Variants in NDUFS1 observed in about 807,000 individuals in gnomAD.
The protein encoded by NDUFS1 is NADH-ubiquinone oxidoreductase 75 kDa subunit, mitochondrial.
In NDUFS1, 61 loss-of-function variants were observed where a neutral mutation model predicts 84.4. The observed-to-expected ratio is 0.72, with a 90% CI of 0.59 to 0.89. The LOEUF is 0.89. NDUFS1 is among the 40% of genes least tolerant of loss of function. The probability of loss-of-function intolerance (pLI) is 0.00; values close to 1 mark genes in which losing one functional copy is unlikely to be tolerated. For synonymous variants in NDUFS1, 275 were observed against 290.0 expected (o/e 0.95, Z 0.53); for missense variants, 891 against 890.0 (o/e 1.00, Z -0.01).
At chr2:206,128,740 C>T (rs946890509) in intron 15 of NDUFS1, among the ~76,000 whole-genome samples, 1 of 151,514 alleles carries the variant, frequency 6.6e-6, no homozygotes, top group African/African-American at 2.4e-5. Flanking sequence ...GAGATCACAC[C>T]ACTGCACTCC....
intron 12 of NDUFS1, among the ~76,000 whole-genome samples, chr2:206,140,922 G>GTATATATA (rs142969226): frequency 1.6e-5 from 2 of 127,976 alleles, no homozygotes; most frequent in Non-Finnish European, 1.6e-5. Flanking sequence ...TATGTAGTGT[G>GTATATATA]TATATATATA....
rs149137632 is a variant in NDUFS1, at chr2:206,158,851, G to A, written c.-5+490C>T. 3.8e-3 allele frequency among the ~76,000 whole-genome samples: 586 copies of A among 152,332 alleles called. 15 individuals carry two copies. Among genetic ancestry groups the A allele is most frequent in the East Asian group, 0.013 (70 of 5,192 alleles). ...TTAGTTAAAGGAATAAAAAAATGCT[G>A]TCCAACGTGGTCAATGGACCAAACA... On this transcript the variant is annotated intron_variant, in intron 1 of 18. Transcript: ENST00000233190.
In NDUFS1 at chr2:206,116,484, AC is replaced by A; in HGVS notation, c.*7700del. ...GCAGAGCACGGCCCGCACGCTCCGC[AC>A]CACTCGCAGCGCCATGTTCCCAGGG... On this transcript the variant is annotated 3_prime_UTR_variant, in exon 19 of 19. Transcript: ENST00000233190. 2 of 1,206,750 alleles carry A rather than the reference AC, an allele frequency of 1.7e-6. No homozygotes were observed. The highest frequency in any genetic ancestry group is 2.4e-6 in the Non-Finnish European group (2 of 849,072). 74.8% of individuals were successfully genotyped at this position (1,206,750 alleles called of 1,614,324 possible).
chr2:206,149,730 T>C, intron 4 of NDUFS1, 88 bp downstream of exon 4: 1 of 944,066 alleles, frequency 1.1e-6, no homozygotes, highest in East Asian at 2.4e-5. Context: ...GGTTCTCCAC[T>C]ACGATATTGA....
Position 206,159,381 on chromosome 2 carries a change from T to A in NDUFS1, c.-45A>T, listed in dbSNP as rs1388436471. 1.8e-6 allele frequency: 1 copy of A among 567,160 alleles called. No homozygotes were observed. The highest frequency in any genetic ancestry group is 3.1e-6 in the Non-Finnish European group (1 of 318,042). The allele number at this position is 567,160 out of a possible 1,614,324, so 35.1% of individuals were successfully genotyped here. ...GCGGAGGCTGTTCTGCTAAACTGTC[T>A]GGACCACGACGACCCCCTAGGAGGC... On this transcript the variant is annotated 5_prime_UTR_variant, in exon 1 of 19. Transcript: ENST00000233190.
intron 15 of NDUFS1, among the ~76,000 whole-genome samples, chr2:206,129,383 C>T (rs532727660): frequency 6.6e-6 from 1 of 152,186 alleles, no homozygotes; most frequent in East Asian, 1.9e-4. Context: ...CCACCTCAGC[C>T]TCCTAAGTAG....
At chr2:206,151,188 A>T (rs1692358477) in intron 3 of NDUFS1, among the ~76,000 whole-genome samples, 1 of 151,896 alleles carries the variant, frequency 6.6e-6, no homozygotes, top group Admixed American at 6.6e-5. Flanking sequence ...AGGCAACAAA[A>T]CTCCTGATGG....
intron 5 of NDUFS1, 129 bp from the exon 6 acceptor site, chr2:206,147,963 G>C: frequency 1.2e-6 from 1 of 843,686 alleles, no homozygotes. Context: ...TGTTGCTCAG[G>C]CTGCAGTGCA....
intron 14 of NDUFS1, among the ~76,000 whole-genome samples, chr2:206,131,950 T>C (rs1691528071): frequency 6.7e-6 from 1 of 149,256 alleles, no homozygotes; most frequent in Admixed American, 6.7e-5. Flanking sequence ...AAAATAATAA[T>C]AATAATAATA....
chr2:206,138,252 T>C (rs1004559270), intron 13 of NDUFS1, among the ~76,000 whole-genome samples: 2 of 152,030 alleles, frequency 1.3e-5, no homozygotes, highest in African/African-American at 4.8e-5. Context: ...TAACTTTGGT[T>C]TGTATTTTAG....
intron 17 of NDUFS1, 22 bp from the exon 18 acceptor site, chr2:206,126,633 A>G: frequency 6.2e-7 from 1 of 1,614,160 alleles, no homozygotes; most frequent in South Asian, 1.1e-5. Flanking sequence ...AGAAGAGATC[A>G]ACAATAATAT....
chr2:206,154,105 A>ATAGCTGTC (rs1687527431), intron 1 of NDUFS1, among the ~76,000 whole-genome samples: 1 of 152,220 alleles, frequency 6.6e-6, no homozygotes, highest in Admixed American at 6.5e-5. Flanking sequence ...TGTTCTAAGC[A>ATAGCTGTC]TAGCTGTCTA....
chr2:206,120,141 A>G lies in NDUFS1; in HGVS notation c.*4044T>C, dbSNP rs1575932883. 6.6e-6 allele frequency: 1 copy of G among 152,504 alleles called. No individual in the cohort carries two copies. Among genetic ancestry groups the G allele is most frequent in the East Asian group, 1.9e-4 (1 of 5,194 alleles). 9.4% of individuals were successfully genotyped at this position (152,504 alleles called of 1,614,324 possible). A position where few individuals can be genotyped will look rare whatever the true frequency, so the allele number is the denominator to read the frequency against. On this transcript the variant is annotated 3_prime_UTR_variant, in exon 19 of 19. Transcript: ENST00000233190. ...GCTTCCTGAGGCCCTCATCAGAAGC[A>G]GCTGCTGGTGCCATGCTTTGTGTAC...
intron 1 of NDUFS1, among the ~76,000 whole-genome samples, chr2:206,158,904 C>T (rs1305704937): frequency 6.6e-6 from 1 of 152,228 alleles, no homozygotes; most frequent in East Asian, 1.9e-4. Context: ...GAAGCGTGAG[C>T]CATTGCTAAC....
intron 13 of NDUFS1, among the ~76,000 whole-genome samples, chr2:206,138,121 C>T (rs1691791134): frequency 6.6e-6 from 1 of 152,164 alleles, no homozygotes; most frequent in Admixed American, 6.6e-5. Context: ...GACAGAGTCT[C>T]GCTCTGTTGC....
At position 206,136,443 on chromosome 2, in the gene NDUFS1, T is replaced by TC. The variant is rs1338247791; in HGVS notation, c.1392+2041_1392+2042insG. Among the ~76,000 whole-genome samples, 3 of 149,538 alleles carry TC rather than the reference T, an allele frequency of 2.0e-5. No homozygotes were observed. In the Middle Eastern group the frequency reaches 0.01, roughly 523 times the overall value. ...TAGTTGTTGGTTTTTTTTTTGTTTTTTTTTTTTTGAGATGGAGTCTCGCTC... is the reference window on the plus strand; with the variant it reads ...TAGTTGTTGGTTTTTTTTTTGTTTTTCTTTTTTTTGAGATGGAGTCTCGCTC... On this transcript the variant is annotated intron_variant, in intron 13 of 18. Transcript: ENST00000233190.
intron 1 of NDUFS1, chr2:206,159,120 C>A: frequency 6.5e-7 from 1 of 1,535,696 alleles, no homozygotes; most frequent in East Asian, 2.4e-5. Flanking sequence ...TCCCGAGGAC[C>A]CCCTGATCCT....
intron 1 of NDUFS1, among the ~76,000 whole-genome samples, chr2:206,154,742 G>A (rs573687130): frequency 1.3e-5 from 2 of 152,176 alleles, no homozygotes; most frequent in African/African-American, 4.8e-5. Context: ...TCCTGCCTCA[G>A]CCTCCTGAAG....
At position 206,126,526 on chromosome 2, in the gene NDUFS1, G is replaced by T; in HGVS notation, c.2092+13C>A. 2 of 1,613,064 alleles carry T rather than the reference G, an allele frequency of 1.2e-6. No homozygotes were observed. Among genetic ancestry groups the T allele is most frequent in the South Asian group, 2.2e-5 (2 of 90,966 alleles). ...CTTTCGTATTTGGCAGAGTCATGTT[G>T]ACAATTACATACCTGTCATGTAGAA... On this transcript the variant is annotated intron_variant, in intron 18 of 18. Transcript: ENST00000233190.
Sources: gnomAD v4.1 joint callset for allele counts (sites outside exome capture counted in the v4.1 genomes callset) on GRCh38, gnomAD v4.1.1 for gene constraint, MANE v1.5 for transcripts, NCBI Gene and HGNC (gene_info 2026-07-23, HGNC 2026-07-21) for gene names.